The following ZNF438 variants were observed in gnomAD, a reference collection of about 807,000 sequenced individuals.
The protein encoded by ZNF438 is zinc finger protein 438.
ZNF438 carries 25 observed loss-of-function variants against 38.0 expected under a neutral mutation model. The observed-to-expected ratio is 0.66, with a 90% CI of 0.48 to 0.92. The LOEUF (loss-of-function observed/expected upper bound fraction) is 0.92. Ranked by LOEUF, ZNF438 falls within the 40% of genes least tolerant of loss-of-function variation. The probability of loss-of-function intolerance (pLI) is 0.00; values close to 1 mark genes in which losing one functional copy is unlikely to be tolerated. For synonymous variants in ZNF438, 372 were observed against 364.1 expected, an observed-to-expected ratio of 1.02 and a Z score of -0.25; for missense variants, 1,007 against 999.6, an observed-to-expected ratio of 1.01 and a Z score of -0.10.
At chr10:30,914,471 GA>G (rs1050846688) in intron 2 of ZNF438, among the ~76,000 whole-genome samples, 3 of 151,770 alleles carry the variant, frequency 2.0e-5, no homozygotes, top group African/African-American at 4.8e-5. Flanking sequence ...ATGAGTTCGA[GA>G]AAAACTAGGA....
At chr10:31,025,725 CACCTAG>C (rs1489590579) in intron 1 of ZNF438, among the ~76,000 whole-genome samples, 1 of 152,020 alleles carries the variant, frequency 6.6e-6, no homozygotes, top group African/African-American at 2.4e-5. Flanking sequence ...GCTTAGTCTC[CACCTAG>C]ACTTACTAAT....
chr10:30,917,115 A>G (rs1310013957), intron 2 of ZNF438, among the ~76,000 whole-genome samples: 1 of 152,022 alleles, frequency 6.6e-6, no homozygotes, highest in African/African-American at 2.4e-5. Context: ...TGTTCCTTCA[A>G]AATCCTTCCC....
At chr10:30,902,549 C>T (rs979355410) in intron 3 of ZNF438, among the ~76,000 whole-genome samples, 30 of 151,944 alleles carry the variant, frequency 2.0e-4, no homozygotes, top group Non-Finnish European at 1.0e-4. Context: ...CATAGAGTGC[C>T]GATTGGTGCA....
intron 4 of ZNF438, among the ~76,000 whole-genome samples, chr10:30,872,415 G>A (rs566047407): frequency 2.3e-5 from 2 of 88,106 alleles, no homozygotes; most frequent in Admixed American, 1.7e-4. Flanking sequence ...GACAGAACAA[G>A]ACTCTGTCTC....
chr10:30,919,158 T>C (rs1030225466), intron 2 of ZNF438: 2 of 152,220 alleles, frequency 1.3e-5, no homozygotes, highest in African/African-American at 4.8e-5. Context: ...CTTCCTTCTA[T>C]GGGTTTTCCT....
At chr10:31,022,696 A>G (rs1019099585) in intron 1 of ZNF438, among the ~76,000 whole-genome samples, 4 of 152,170 alleles carry the variant, frequency 2.6e-5, no homozygotes, top group Non-Finnish European at 4.4e-5. Context: ...TCTTCATGAC[A>G]ATGCCCAACC....
At chr10:30,881,368 A>G (rs1459568845) in intron 3 of ZNF438, among the ~76,000 whole-genome samples, 2 of 152,184 alleles carry the variant, frequency 1.3e-5, no homozygotes, top group Non-Finnish European at 2.9e-5. Context: ...TAAATCAGAA[A>G]TTGAGACACC....
chr10:30,933,477 G>C (rs1296110444), intron 2 of ZNF438, among the ~76,000 whole-genome samples: 2 of 152,150 alleles, frequency 1.3e-5, no homozygotes, highest in Non-Finnish European at 2.9e-5. Flanking sequence ...AAAGAGCCAG[G>C]CATCATGACT....
chr10:30,971,257 T>C (rs1485653780), intron 1 of ZNF438, among the ~76,000 whole-genome samples: 4 of 152,214 alleles, frequency 2.6e-5, no homozygotes, highest in Non-Finnish European at 4.4e-5. Flanking sequence ...GCCTAGCTCA[T>C]AGTAACTACG....
chr10:31,005,752 T>C (rs1179369183), intron 1 of ZNF438, among the ~76,000 whole-genome samples: 1 of 152,204 alleles, frequency 6.6e-6, no homozygotes, highest in Non-Finnish European at 1.5e-5. Context: ...ATACGTTAAA[T>C]ATATACAATA....
exon 5 of ZNF438, chr10:30,850,128 A>G: frequency 1.9e-6 from 3 of 1,614,134 alleles, no homozygotes; most frequent in Non-Finnish European, 2.5e-6. Flanking sequence ...GCAACAAGAG[A>G]AAATGTCCCC....
intron 5 of ZNF438, among the ~76,000 whole-genome samples, chr10:30,846,898 A>C (rs2032283463): frequency 6.6e-6 from 1 of 152,174 alleles, no homozygotes; most frequent in Admixed American, 6.5e-5. Flanking sequence ...GCTGGGGCTG[A>C]GCCTGGGCTC....
At chr10:30,860,614 TC>T (rs1285779041) in intron 4 of ZNF438, among the ~76,000 whole-genome samples, 14 of 152,178 alleles carry the variant, frequency 9.2e-5, no homozygotes, top group African/African-American at 3.4e-4. Context: ...TCTAATCCAA[TC>T]CGTCTTGCCA....
intron 3 of ZNF438, among the ~76,000 whole-genome samples, chr10:30,885,090 T>C (rs965157738): frequency 9.8e-5 from 15 of 152,354 alleles, no homozygotes; most frequent in African/African-American, 3.6e-4. Context: ...ACATGTCATA[T>C]ATCATCACAC....
intron 1 of ZNF438, among the ~76,000 whole-genome samples, chr10:31,022,270 T>TC (rs2056650930): frequency 6.6e-6 from 1 of 151,436 alleles, no homozygotes; most frequent in African/African-American, 2.4e-5. Context: ...CTTTTTTTTT[T>TC]CTTTTTTTTG....
In ZNF438 at chr10:30,938,177, T is replaced by G. The variant is rs12258382; in HGVS notation, c.-115+3398A>C. Reference sequence around the variant, plus strand: ...CGCACCCCCATTGTTTCAGCCAACATGAATTAACCACTCTGCTCCGCTCAG... The same window carrying G: ...CGCACCCCCATTGTTTCAGCCAACAGGAATTAACCACTCTGCTCCGCTCAG... On this transcript the variant is annotated intron_variant, in intron 2 of 5. Coordinates refer to ENST00000413025, the Ensembl canonical transcript of ZNF438. Among the ~76,000 whole-genome samples the G allele has an allele frequency of 4.0e-3, 612 of 152,296 alleles. 4 individuals are homozygous for G. Among genetic ancestry groups the G allele is most frequent in the African/African-American group, 0.014 (563 of 41,560 alleles).
At chr10:30,876,359 G>C (rs1372668639) in intron 4 of ZNF438, among the ~76,000 whole-genome samples, 3 of 152,036 alleles carry the variant, frequency 2.0e-5, no homozygotes, top group African/African-American at 4.8e-5. Context: ...TTCTCCCCGG[G>C]GTTAGAGTGT....
intron 3 of ZNF438, among the ~76,000 whole-genome samples, chr10:30,908,124 T>C (rs940534550): frequency 3.3e-5 from 5 of 152,202 alleles, no homozygotes; most frequent in African/African-American, 1.2e-4. Flanking sequence ...TTTCCACATA[T>C]CTGTGCATTT....
intron 3 of ZNF438, among the ~76,000 whole-genome samples, chr10:30,905,433 C>A (rs191105122): frequency 6.6e-6 from 1 of 152,294 alleles, no homozygotes; most frequent in African/African-American, 2.4e-5. Flanking sequence ...TATTCAATTT[C>A]TTTGACCAGT....
Sources: gnomAD v4.1 joint callset for allele counts (sites outside exome capture counted in the v4.1 genomes callset) on GRCh38, gnomAD v4.1.1 for gene constraint, MANE v1.5 for transcripts, NCBI Gene and HGNC (gene_info 2026-07-23, HGNC 2026-07-21) for gene names.